RBPMS: variants seen among roughly 807,000 people sequenced by gnomAD.
The protein encoded by RBPMS is RNA binding protein, mRNA processing factor.
RBPMS carries 7 observed loss-of-function variants against 26.8 expected under a neutral mutation model. The observed-to-expected ratio is 0.26, with a 90% CI of 0.15 to 0.49. The LOEUF (loss-of-function observed/expected upper bound fraction) is 0.49. RBPMS is among the 20% of genes least tolerant of loss of function. The probability of loss-of-function intolerance (pLI) is 0.98; values close to 1 mark genes in which losing one functional copy is unlikely to be tolerated. For synonymous variants in RBPMS, 96 were observed against 93.3 expected, an observed-to-expected ratio of 1.03 and a Z score of -0.17; for missense variants, 186 against 250.0, an observed-to-expected ratio of 0.74 and a Z score of 1.73.
chr8:30,421,646 A>C (rs1810803969), intron 1 of RBPMS, among the ~76,000 whole-genome samples: 1 of 152,202 alleles, frequency 6.6e-6, no homozygotes, highest in Non-Finnish European at 1.5e-5. Context: ...GGAAAGTATT[A>C]CACACAAGGT....
chr8:30,408,663 C>G (rs1385580565), intron 1 of RBPMS, among the ~76,000 whole-genome samples: 1 of 152,160 alleles, frequency 6.6e-6, no homozygotes, highest in African/African-American at 2.4e-5. Flanking sequence ...CAATTGCACA[C>G]CACTGTGTTC....
chr8:30,549,953 C>T (rs28661332), intron 6 of RBPMS, among the ~76,000 whole-genome samples: 5,157 of 151,684 alleles, frequency 0.034, 288 homozygotes, highest in African/African-American at 0.12. Context: ...CGGGTTCATG[C>T]CATTCTCCTG....
intron 2 of RBPMS, among the ~76,000 whole-genome samples, chr8:30,475,301 A>G (rs540051006): frequency 2.0e-5 from 3 of 152,306 alleles, no homozygotes; most frequent in South Asian, 2.1e-4. Context: ...TGTCCTTCCT[A>G]TGGAAATAAG....
At chr8:30,490,692 C>G (rs749491036) in intron 4 of RBPMS, among the ~76,000 whole-genome samples, 1 of 152,156 alleles carries the variant, frequency 6.6e-6, no homozygotes. Context: ...TCTTGAACTC[C>G]TGGACCTCGT....
At chr8:30,568,316 C>CAG (rs1340394606) in intron 8 of RBPMS, among the ~76,000 whole-genome samples, 2 of 152,126 alleles carry the variant, frequency 1.3e-5, no homozygotes, top group African/African-American at 2.4e-5. Flanking sequence ...CAAGGAGCTG[C>CAG]AGATGGATCA....
intron 1 of RBPMS, among the ~76,000 whole-genome samples, chr8:30,408,719 T>A (rs1419133922): frequency 6.6e-6 from 1 of 152,192 alleles, no homozygotes. Context: ...TCTCACCTCT[T>A]AAAATTCGAG....
At chr8:30,385,292 T>G (rs1412293337) in intron 1 of RBPMS, 134 bp downstream of exon 1, 1 of 545,206 alleles carries the variant, frequency 1.8e-6, no homozygotes, top group East Asian at 3.7e-5. Flanking sequence ...CCCCACAGTG[T>G]GGCCCGGGGA....
At chr8:30,480,977 C>CT (rs1341383047) in intron 4 of RBPMS, among the ~76,000 whole-genome samples, 1 of 152,212 alleles carries the variant, frequency 6.6e-6, no homozygotes, top group Admixed American at 6.5e-5. Flanking sequence ...GCTCTCATTG[C>CT]TTTACTATAC....
intron 5 of RBPMS, among the ~76,000 whole-genome samples, chr8:30,540,198 G>C (rs946807132): frequency 1.5e-4 from 23 of 152,182 alleles, no homozygotes; most frequent in African/African-American, 5.6e-4. Flanking sequence ...GGCAAGAGGA[G>C]GGGGAGAAGG....
chr8:30,423,880 C>G (rs1002080979), intron 1 of RBPMS, among the ~76,000 whole-genome samples: 1 of 151,948 alleles, frequency 6.6e-6, no homozygotes, highest in East Asian at 1.9e-4. Flanking sequence ...CTCTGCCACC[C>G]AGGCTGGAGT....
chr8:30,420,158 G>A (rs1810589048), intron 1 of RBPMS, among the ~76,000 whole-genome samples: 1 of 151,792 alleles, frequency 6.6e-6, no homozygotes, highest in African/African-American at 2.4e-5. Flanking sequence ...AGCTTGGGAG[G>A]TTGAGGCTGC....
chr8:30,549,180 T>C (rs927768954), intron 6 of RBPMS, among the ~76,000 whole-genome samples: 1 of 152,188 alleles, frequency 6.6e-6, no homozygotes, highest in Non-Finnish European at 1.5e-5. Context: ...CCCAGGGACA[T>C]GGCTTCAACC....
At position 30,474,760 on chromosome 8, in the gene RBPMS, C is replaced by A. The variant is rs572351601; in HGVS notation, c.67-19C>A. The A allele has an allele frequency of 3.6e-5, 56 of 1,538,694 alleles. 1 individual carries two copies. In the South Asian group the frequency reaches 5.9e-4, roughly 16 times the overall value. ...GGAGTGTCCACACCCTTGATCACTT[C>A]CTAAATTTATTTTTCCAGGTCCGGA... On this transcript the variant is annotated intron_variant, in intron 1 of 8. Transcript: ENST00000397323.
intron 5 of RBPMS, among the ~76,000 whole-genome samples, chr8:30,520,439 G>A (rs1226360592): frequency 2.0e-5 from 3 of 151,948 alleles, no homozygotes; most frequent in Non-Finnish European, 2.9e-5. Context: ...TCAGTATACC[G>A]CAGTCATTAT....
intron 2 of RBPMS, among the ~76,000 whole-genome samples, chr8:30,476,999 A>G (rs1007439496): frequency 2.0e-5 from 3 of 152,192 alleles, no homozygotes; most frequent in Non-Finnish European, 4.4e-5. Context: ...ACAAAATTCA[A>G]CATCATTGCC....
intron 4 of RBPMS, among the ~76,000 whole-genome samples, chr8:30,491,868 T>C (rs888557499): frequency 9.9e-5 from 15 of 152,202 alleles, no homozygotes; most frequent in Admixed American, 3.3e-4. Flanking sequence ...TTATTCTTCA[T>C]GTGCTTTTCC....
intron 5 of RBPMS, among the ~76,000 whole-genome samples, chr8:30,514,507 A>G (rs1203244687): frequency 6.6e-6 from 1 of 151,884 alleles, no homozygotes; most frequent in African/African-American, 2.4e-5. Flanking sequence ...GACCACCATG[A>G]TTTTGACAGT....
intron 6 of RBPMS, chr8:30,547,472 C>T (rs376753276): frequency 4.4e-5 from 69 of 1,568,600 alleles, no homozygotes; most frequent in East Asian, 1.1e-4. Context: ...TATTTCTTGA[C>T]GACCTTTGAG....
intron 8 of RBPMS, among the ~76,000 whole-genome samples, chr8:30,570,315 T>G (rs1444127975): frequency 6.6e-6 from 1 of 152,188 alleles, no homozygotes; most frequent in African/African-American, 2.4e-5. Context: ...ACACCTTTTC[T>G]ACAACTTCTC....
Sources: gnomAD v4.1 joint callset for allele counts (sites outside exome capture counted in the v4.1 genomes callset) on GRCh38, gnomAD v4.1.1 for gene constraint, MANE v1.5 for transcripts, NCBI Gene and HGNC (gene_info 2026-07-23, HGNC 2026-07-21) for gene names.